The following NR4A1 variants were observed in gnomAD, a reference collection of about 807,000 sequenced individuals.
The protein encoded by NR4A1 is nuclear receptor subfamily 4immunitygroup A member 1.
NR4A1 carries 24 observed loss-of-function variants against 47.5 expected under a neutral mutation model. The ratio of observed to expected loss-of-function variants is 0.50; its 90% CI spans 0.37 to 0.71. The LOEUF (loss-of-function observed/expected upper bound fraction) is 0.71, where lower values mean the gene tolerates loss of function less well. Among genes scored for constraint, NR4A1 ranks in the 30% least tolerant of loss-of-function variants. The pLI is 0.00. For missense variants in NR4A1, 669 were observed against 788.6 expected (o/e 0.85, Z 1.82); for synonymous variants, 353 against 345.7 (o/e 1.02, Z -0.24).
intron 1 of NR4A1, among the ~76,000 whole-genome samples, chr12:52,033,112 C>T (rs2120930180): frequency 6.6e-6 from 1 of 152,354 alleles, no homozygotes; most frequent in Non-Finnish European, 1.5e-5. Flanking sequence ...TAATGGAATC[C>T]TGGCTGGACC....
At chr12:52,032,752 T>A (rs551208796) in intron 1 of NR4A1, among the ~76,000 whole-genome samples, 1 of 152,178 alleles carries the variant, frequency 6.6e-6, no homozygotes, top group African/African-American at 2.4e-5. Flanking sequence ...TAAATAGTTT[T>A]TGCACCTTTT....
Position 52,023,634 on chromosome 12 carries a change from C to T in NR4A1, c.-84+695C>T, listed in dbSNP as rs990401226. Among the ~76,000 whole-genome samples the T allele has an allele frequency of 7.2e-5, 11 of 152,144 alleles. No homozygotes were observed. In the East Asian group the frequency reaches 2.1e-3, roughly 30 times the overall value. On this transcript the variant is annotated intron_variant, in intron 1 of 7. Coordinates refer to the NR4A1 transcript ENST00000360284. ...CTGCACTCTCAACCCCTCACCCACG[C>T]AGACCCTGGCCCGCCGGTGACCTCC...
At chr12:52,025,724 C>A (rs1237208910) in intron 1 of NR4A1, among the ~76,000 whole-genome samples, 2 of 152,186 alleles carry the variant, frequency 1.3e-5, no homozygotes, top group African/African-American at 4.8e-5. Flanking sequence ...CTCTGTGGTT[C>A]CTAGAAGAGG....
upstream of NR4A1, among the ~76,000 whole-genome samples, chr12:52,046,678 G>A (rs1039595499): frequency 3.9e-5 from 6 of 152,100 alleles, no homozygotes; most frequent in African/African-American, 7.2e-5. Context: ...TCATTCAGGC[G>A]TGGCTATTTT....
intron 1 of NR4A1, among the ~76,000 whole-genome samples, chr12:52,033,391 A>T (rs1038838896): frequency 6.6e-6 from 1 of 152,256 alleles, no homozygotes; most frequent in Non-Finnish European, 1.5e-5. Flanking sequence ...TAAATCACGC[A>T]GGCCTGAAAC....
chr12:52,056,947 G>C (rs1200756055), intron 4 of NR4A1, 110 bp from the exon 5 acceptor site: 2 of 1,068,928 alleles, frequency 1.9e-6, no homozygotes, highest in South Asian at 1.6e-5. Flanking sequence ...CAGGATCTCA[G>C]ATCCACTCCC....
At position 52,058,967 on chromosome 12, in the gene NR4A1, C is replaced by A; in HGVS notation, c.*23C>A. 6.3e-7 allele frequency: 1 copy of A among 1,596,274 alleles called. No individual in the cohort carries two copies. The highest frequency in any genetic ancestry group is 1.1e-5 in the South Asian group (1 of 89,706). On this transcript the variant is annotated 3_prime_UTR_variant, in exon 7 of 7. Transcript: ENST00000394825. ...TGACCCCTGCCTGGGAACACGTGTG[C>A]ACATGCGCACTCTCATATGCCACCC... is the stretch of plus-strand genomic sequence containing the variant.
At chr12:52,037,645 C>G (rs923013531) in intron 1 of NR4A1, 2 of 985,376 alleles carry the variant, frequency 2.0e-6, no homozygotes, top group Middle Eastern at 5.2e-4. Context: ...TTTCTCTCCC[C>G]AGTCCGCCAA....
Position 52,054,441 on chromosome 12 carries a change from C to T in NR4A1, c.113C>T (p.Ala38Val), listed in dbSNP as rs201016177. 5.6e-5 allele frequency: 91 copies of T among 1,613,720 alleles called. 1 individual carries two copies. In the Admixed American group the frequency reaches 1.4e-3, roughly 26 times the overall value. ...PEFIKPTMDL[A>V]SPEAAPAAPT... is the part of the protein sequence containing the mutation. ...TTCATCAAGCCCACCATGGACCTGG[C>T]CAGCCCCGAGGCAGCCCCCGCTGCC... is the stretch of plus-strand genomic sequence containing the variant. The change falls in exon 2 of 7, where the codon GCC (alanine) becomes GTC (valine). Residue 38 changes from alanine (A) to valine (V), a missense_variant. Coordinates refer to ENST00000394825, the MANE Select transcript of NR4A1 (RefSeq NM_173157.3).
chr12:52,037,372 G>A, intron 1 of NR4A1: 1 of 985,596 alleles, frequency 1.0e-6, no homozygotes, highest in Non-Finnish European at 1.2e-6. Flanking sequence ...GCGGTGCAGA[G>A]CAGCTCAGGG....
chr12:52,038,496 C>T (rs1938323121), intron 1 of NR4A1: 6 of 521,084 alleles, frequency 1.2e-5, no homozygotes, highest in Non-Finnish European at 1.7e-5. Context: ...TGGGAAAACA[C>T]AGGCTGGGCA....
chr12:52,057,077 C>G lies in NR4A1; in HGVS notation c.1179C>G (p.Pro393=). The G allele has an allele frequency of 6.2e-7, 1 of 1,606,820 alleles. No homozygotes were observed. The highest frequency in any genetic ancestry group is 8.5e-7 in the Non-Finnish European group (1 of 1,176,486). The part of the protein sequence containing the change: ...DYSKFQELVL[P]HFGKEDAGDV... ...CCTAGTTCCAGGAGCTGGTGCTGCC[C>G]CACTTTGGGAAGGAAGATGCTGGGG... Residue 393 remains proline (P), a synonymous_variant, in exon 5 of 7, where the codon CCC becomes CCG. Transcript: ENST00000394825.
rs1939260538 is a variant in NR4A1 at position 52,056,144 on chromosome 12, G to C, written c.991G>C (p.Gly331Arg). Reference sequence around the variant, plus strand: ...CCGCTTCCAGAAGTGCCTGGCGGTGGGCATGGTGAAGGAAGGTGTGTGGCT... The same window carrying C: ...CCGCTTCCAGAAGTGCCTGGCGGTGCGCATGGTGAAGGAAGGTGTGTGGCT... ...FCRFQKCLAV[G>R]MVKEVVRTDS... Residue 331 changes from glycine (G) to arginine (R), a missense_variant, in exon 3 of 7, where the codon GGC becomes CGC. Transcript: ENST00000394825. 1.1e-5 allele frequency: 18 copies of C among 1,608,014 alleles called. No homozygotes were observed. Among genetic ancestry groups the C allele is most frequent in the Non-Finnish European group, 1.5e-5 (18 of 1,177,006 alleles).
At chr12:52,050,077 GCT>G (rs1938847182), upstream of NR4A1, among the ~76,000 whole-genome samples, 1 of 152,148 alleles carries the variant, frequency 6.6e-6, no homozygotes, top group African/African-American at 2.4e-5. Context: ...GGGTGGCAGG[GCT>G]CTCTTTTCCT....
intron 2 of NR4A1, chr12:52,043,949 G>A (rs1044515956): frequency 7.8e-7 from 1 of 1,285,944 alleles, no homozygotes; most frequent in African/African-American, 1.5e-5. Flanking sequence ...AATGGGAGCT[G>A]GGCTGTTTGG....
intron 1 of NR4A1, among the ~76,000 whole-genome samples, chr12:52,028,852 A>C (rs1276633547): frequency 2.6e-5 from 4 of 151,618 alleles, no homozygotes; most frequent in Non-Finnish European, 5.9e-5. Context: ...GCAGTGAGCC[A>C]AGATGGTGCC....
At chr12:52,050,276 A>C (rs1938857577), upstream of NR4A1, among the ~76,000 whole-genome samples, 1 of 152,140 alleles carries the variant, frequency 6.6e-6, no homozygotes, top group African/African-American at 2.4e-5. Context: ...ATAACTGGTC[A>C]GAGCTGCCTC....
rs1160743301 is a variant in NR4A1 at position 52,027,287 on chromosome 12, G to T, written c.-84+4348G>T. On this transcript the variant is annotated intron_variant, in intron 1 of 7. Transcript: ENST00000360284. ...TGGTCCCCAGGAGCATCAGCTGACCGCCCTGTGCTCCTGAAGTGACCTGAG... is the reference window on the plus strand; with the variant it reads ...TGGTCCCCAGGAGCATCAGCTGACCTCCCTGTGCTCCTGAAGTGACCTGAG... 3.9e-5 allele frequency among the ~76,000 whole-genome samples: 6 copies of T among 152,248 alleles called. No individual in the cohort carries two copies. The East Asian group carries it at 1.2e-3, about 29-fold the overall frequency.
intron 1 of NR4A1, among the ~76,000 whole-genome samples, chr12:52,039,466 T>G (rs1289544464): frequency 6.6e-6 from 1 of 152,070 alleles, no homozygotes; most frequent in Non-Finnish European, 1.5e-5. Context: ...GCTGGGGACT[T>G]TTAGAGTCAG....
Sources: gnomAD v4.1 joint callset for allele counts (sites outside exome capture counted in the v4.1 genomes callset) on GRCh38, gnomAD v4.1.1 for gene constraint, MANE v1.5 for transcripts, NCBI Gene and HGNC (gene_info 2026-07-23, HGNC 2026-07-21) for gene names.